Variants in BRD3 observed in about 807,000 individuals in gnomAD.
BRD3 encodes bromodomain containing 3.
BRD3 carries 17 observed loss-of-function variants against 66.8 expected under a neutral mutation model. The observed-to-expected ratio is 0.25, with a 90% confidence interval of 0.17 to 0.38. The LOEUF (loss-of-function observed/expected upper bound fraction) is 0.38. Among genes scored for constraint, BRD3 ranks in the 10% least tolerant of loss-of-function variants. The probability of loss-of-function intolerance (pLI) is 1.00; values close to 1 mark genes in which losing one functional copy is unlikely to be tolerated. For synonymous variants in BRD3, 421 were observed against 393.2 expected, an observed-to-expected ratio of 1.07 and a Z score of -0.84; for missense variants, 713 against 956.1, an observed-to-expected ratio of 0.75 and a Z score of 3.35.
chr9:134,040,873 A>G (rs564672093), intron 8 of BRD3, among the ~76,000 whole-genome samples: 73 of 152,326 alleles, frequency 4.8e-4, no homozygotes, highest in Middle Eastern at 3.4e-3. Context: ...TGCAGCTGGC[A>G]TTGTGCCAAG....
intron 1 of BRD3, among the ~76,000 whole-genome samples, chr9:134,063,697 C>T (rs1830589702): frequency 6.6e-6 from 1 of 152,200 alleles, no homozygotes; most frequent in South Asian, 2.1e-4. Flanking sequence ...CTCTTAGTCC[C>T]AGGTCCTCAC....
chr9:134,050,027 T>C lies in BRD3; in HGVS notation c.714+347A>G, dbSNP rs560726134. On this transcript the variant is annotated intron_variant, in intron 5 of 11. Coordinates refer to ENST00000303407, the MANE Select transcript of BRD3 (RefSeq NM_007371.4). Reference sequence around the variant, plus strand: ...CCCAGGTAGGTACAGCTGGCACCACTCTCCTGAGTGTGAGCAGGGGAGGAC... The same window carrying C: ...CCCAGGTAGGTACAGCTGGCACCACCCTCCTGAGTGTGAGCAGGGGAGGAC... Among the ~76,000 whole-genome samples, 3 of 152,166 alleles carry C rather than the reference T, an allele frequency of 2.0e-5. No homozygotes were observed. In the East Asian group the frequency reaches 5.8e-4, roughly 29 times the overall value.
chr9:134,036,587 G>T (rs749636967), intron 9 of BRD3: 2 of 1,608,194 alleles, frequency 1.2e-6, no homozygotes, highest in Non-Finnish European at 1.7e-6. Context: ...GTCAAGAAAT[G>T]ATCTCTGTAT....
chr9:134,056,340 G>A (rs1219052118), intron 1 of BRD3, among the ~76,000 whole-genome samples: 2 of 152,208 alleles, frequency 1.3e-5, no homozygotes, highest in African/African-American at 4.8e-5. Context: ...GAGGGGTGCA[G>A]TATAAAAAGC....
intron 1 of BRD3, among the ~76,000 whole-genome samples, chr9:134,060,611 C>CACACACACACACACAT (rs72201551): frequency 1.3e-5 from 2 of 151,734 alleles, no homozygotes; most frequent in African/African-American, 4.8e-5. Flanking sequence ...CACACACACA[C>CACACACACACACACAT]ACACACACAC....
intron 3 of BRD3, 47 bp from the exon 4 acceptor site, chr9:134,051,756 T>C (rs1830301682): frequency 6.4e-7 from 1 of 1,562,182 alleles, no homozygotes. Context: ...AGGAGCTGTG[T>C]GCTTGCAAAG....
intron 1 of BRD3, chr9:134,054,279 G>C (rs1260791705): frequency 6.6e-6 from 1 of 152,198 alleles, no homozygotes; most frequent in Non-Finnish European, 1.5e-5. Context: ...GCTGACCACA[G>C]GGAGCTCTGC....
At chr9:134,057,597 G>A (rs1032112431) in intron 1 of BRD3, 3 of 152,282 alleles carry the variant, frequency 2.0e-5, no homozygotes, top group African/African-American at 7.2e-5. Context: ...CGACTAAGCT[G>A]AGGCCCCTTC....
chr9:134,059,492 G>T (rs926929144), intron 1 of BRD3, among the ~76,000 whole-genome samples: 1 of 152,088 alleles, frequency 6.6e-6, no homozygotes, highest in Non-Finnish European at 1.5e-5. Flanking sequence ...GTCTAGACAC[G>T]AGACACACAA....
At chr9:134,034,659 C>G (rs202110624) in intron 11 of BRD3, 42 bp downstream of exon 11, 63 of 1,598,384 alleles carry the variant, frequency 3.9e-5, no homozygotes, top group Admixed American at 8.4e-5. Flanking sequence ...TGACACCCCC[C>G]ACCCCCCTAA....
rs1416020522 is a variant in BRD3, at chr9:134,036,231, C to T, written c.1737G>A (p.Gln579=). The part of the protein sequence containing the change: ...GLPMSYDEKR[Q]LSLDINRLPG... ...GCAGCCGGTTGATGTCCAGGCTAAG[C>T]TGGCGCTTTTCATCGTAGCTCATGG... is the stretch of plus-strand genomic sequence containing the variant. The change falls in exon 10 of 12, where the codon CAG becomes CAA. Residue 579 remains glutamine, a synonymous_variant. Coordinates refer to ENST00000303407, the MANE Select transcript of BRD3 (RefSeq NM_007371.4). The T allele has an allele frequency of 1.2e-6, 2 of 1,614,240 alleles. No homozygotes were observed. Among genetic ancestry groups the T allele is most frequent in the Admixed American group, 1.7e-5 (1 of 60,030 alleles).
intron 1 of BRD3, among the ~76,000 whole-genome samples, chr9:134,061,017 G>T (rs1374225257): frequency 6.6e-6 from 1 of 152,264 alleles, no homozygotes; most frequent in Non-Finnish European, 1.5e-5. Flanking sequence ...GACAAACAGG[G>T]AGGGAATGGG....
At chr9:134,043,577 C>T (rs914223382) in intron 7 of BRD3, among the ~76,000 whole-genome samples, 8 of 152,246 alleles carry the variant, frequency 5.3e-5, no homozygotes, top group African/African-American at 1.4e-4. Flanking sequence ...CACAGAGCAG[C>T]GGTCCAGGCC....
At chr9:134,035,276 G>C (rs1044766042) in intron 10 of BRD3, among the ~76,000 whole-genome samples, 4 of 152,114 alleles carry the variant, frequency 2.6e-5, no homozygotes, top group African/African-American at 9.7e-5. Flanking sequence ...AAGTTGACCC[G>C]GTGACTTACC....
chr9:134,061,821 A>C (rs552353352), intron 1 of BRD3, among the ~76,000 whole-genome samples: 1 of 152,172 alleles, frequency 6.6e-6, no homozygotes, highest in African/African-American at 2.4e-5. Flanking sequence ...CCACAGCCCC[A>C]GAATTCTCGG....
At position 134,059,855 on chromosome 9, in the gene BRD3, C is replaced by T. The variant is rs111274125; in HGVS notation, c.-113-6265G>A. Among the ~76,000 whole-genome samples the T allele has an allele frequency of 5.6e-3, 846 of 152,242 alleles. 11 individuals are homozygous for T. The highest frequency in any genetic ancestry group is 0.019 in the African/African-American group (772 of 41,550). On this transcript the variant is annotated intron_variant, in intron 1 of 11. Coordinates refer to ENST00000303407, the MANE Select transcript of BRD3 (RefSeq NM_007371.4). ...GGCAGCCTGGCCATCAGCAGCCTGT[C>T]GCAGCAGCAGCAGCAGCCTTGTCCT...
At chr9:134,046,626 C>T (rs986414853) in intron 6 of BRD3, among the ~76,000 whole-genome samples, 3 of 152,180 alleles carry the variant, frequency 2.0e-5, no homozygotes, top group Admixed American at 1.3e-4. Context: ...TAGCATGTGC[C>T]GGGATAAACC....
chr9:134,062,839 C>G (rs1564561804), intron 1 of BRD3, among the ~76,000 whole-genome samples: 1 of 152,226 alleles, frequency 6.6e-6, no homozygotes, highest in Non-Finnish European at 1.5e-5. Context: ...AGGCAGGGGA[C>G]TCTCTTCAGA....
chr9:134,049,451 C>T (rs1356363550), intron 5 of BRD3, among the ~76,000 whole-genome samples: 2 of 152,236 alleles, frequency 1.3e-5, no homozygotes, highest in Non-Finnish European at 2.9e-5. Context: ...TGGCAGGGGC[C>T]GGAGCCGGCT....
Sources: gnomAD v4.1 joint callset for allele counts (sites outside exome capture counted in the v4.1 genomes callset) on GRCh38, gnomAD v4.1.1 for gene constraint, MANE v1.5 for transcripts, NCBI Gene and HGNC (gene_info 2026-07-23, HGNC 2026-07-21) for gene names.